The following RMDN2 variants were observed in gnomAD, a reference collection of about 807,000 sequenced individuals.
The protein encoded by RMDN2 is regulator of microtubule dynamics 2, also known as regulator of microtubule dynamics protein 2.
A neutral mutation model predicts 52.8 loss-of-function variants in RMDN2; 61 were observed. That is an observed-to-expected ratio of 1.16 (90% CI 0.94 to 1.43). The LOEUF (loss-of-function observed/expected upper bound fraction) is 1.43. Among genes scored for constraint, RMDN2 ranks in the 40% most tolerant of loss-of-function variants. The pLI is 0.00. For missense variants in RMDN2, 592 were observed against 475.3 expected (o/e 1.25, Z -2.28); for synonymous variants, 180 against 153.1 (o/e 1.18, Z -1.30).
intron 2 of RMDN2, among the ~76,000 whole-genome samples, chr2:37,956,662 T>A (rs1440185298): frequency 6.6e-6 from 1 of 152,148 alleles, no homozygotes; most frequent in Non-Finnish European, 1.5e-5. Context: ...TCTTCTTTTT[T>A]ATTTTTTATT....
At chr2:38,013,074 T>C (rs991683354) in intron 10 of RMDN2, among the ~76,000 whole-genome samples, 2 of 152,248 alleles carry the variant, frequency 1.3e-5, no homozygotes, top group Non-Finnish European at 2.9e-5. Flanking sequence ...ACAGTATTTT[T>C]ATTATTCATG....
intron 10 of RMDN2, among the ~76,000 whole-genome samples, chr2:38,011,259 A>G (rs918325435): frequency 3.3e-5 from 5 of 152,190 alleles, no homozygotes; most frequent in African/African-American, 9.7e-5. Flanking sequence ...TGAAAAATAA[A>G]CTATTGCCCT....
At chr2:37,967,374 C>A (rs1212122230) in intron 2 of RMDN2, among the ~76,000 whole-genome samples, 3 of 152,166 alleles carry the variant, frequency 2.0e-5, no homozygotes, top group Non-Finnish European at 2.9e-5. Flanking sequence ...TGAAGCATTT[C>A]TTTAAGGAAT....
At chr2:38,046,875 C>T (rs936383086) in intron 10 of RMDN2, among the ~76,000 whole-genome samples, 10 of 151,360 alleles carry the variant, frequency 6.6e-5, no homozygotes, top group South Asian at 2.1e-4. Flanking sequence ...CTCAGCTACT[C>T]GGGAGGCAGA....
At chr2:37,943,728 C>A (rs187743346) in intron 2 of RMDN2, among the ~76,000 whole-genome samples, 4 of 152,206 alleles carry the variant, frequency 2.6e-5, no homozygotes, top group African/African-American at 7.2e-5. Flanking sequence ...ATGCATTTTT[C>A]ATGTTAAACT....
At chr2:37,993,904 A>G (rs966672319) in intron 7 of RMDN2, among the ~76,000 whole-genome samples, 3 of 152,328 alleles carry the variant, frequency 2.0e-5, no homozygotes, top group East Asian at 1.9e-4. Flanking sequence ...CGTTTACCCA[A>G]CCTCACAAGT....
intron 10 of RMDN2, chr2:38,036,661 A>G (rs1245794924): frequency 1.3e-5 from 2 of 151,172 alleles, no homozygotes; most frequent in Non-Finnish European, 2.9e-5. Context: ...AAAGCATGAC[A>G]GCAATGAAGG....
chr2:38,048,156 G>C lies in RMDN2; in HGVS notation c.1714-18826G>C, dbSNP rs533066255. ...AAATCAGTTGCTGAGATATATAGGA[G>C]GCAGTAAAATTGGCTTTGCTGCAGT... On this transcript the variant is annotated intron_variant, in intron 10 of 10. Coordinates refer to the RMDN2 transcript ENST00000234195. Among the ~76,000 whole-genome samples the C allele has an allele frequency of 2.6e-5, 4 of 152,316 alleles. No homozygotes were observed. In the East Asian group the frequency reaches 7.7e-4, roughly 29 times the overall value.
intron 10 of RMDN2, among the ~76,000 whole-genome samples, chr2:38,032,589 C>A (rs1680286948): frequency 6.6e-6 from 1 of 152,160 alleles, no homozygotes; most frequent in South Asian, 2.1e-4. Flanking sequence ...CCTGTAATCC[C>A]AGCAGTTTGG....
At chr2:37,951,685 A>G in intron 2 of RMDN2, 1 of 1,612,946 alleles carries the variant, frequency 6.2e-7, no homozygotes, top group Non-Finnish European at 8.5e-7. Context: ...TTTAATCTAA[A>G]TGAAATCGAA....
chr2:37,943,420 C>T (rs543611801), intron 2 of RMDN2, among the ~76,000 whole-genome samples: 11 of 152,264 alleles, frequency 7.2e-5, no homozygotes, highest in African/African-American at 1.9e-4. Flanking sequence ...GCAGGAATCC[C>T]GGTTCAGCCT....
chr2:37,975,335 A>T, intron 4 of RMDN2, 21 bp downstream of exon 4: 1 of 1,332,840 alleles, frequency 7.5e-7, no homozygotes, highest in South Asian at 1.2e-5. Flanking sequence ...TGTAAAGATT[A>T]TTCTCAAGTA....
At chr2:38,031,523 T>C (rs193292652) in intron 10 of RMDN2, among the ~76,000 whole-genome samples, 2 of 152,148 alleles carry the variant, frequency 1.3e-5, no homozygotes, top group Non-Finnish European at 2.9e-5. Flanking sequence ...TTACATTTCA[T>C]AAAGTAGTTG....
At chr2:37,987,850 G>A (rs543618478) in intron 5 of RMDN2, among the ~76,000 whole-genome samples, 13 of 151,510 alleles carry the variant, frequency 8.6e-5, no homozygotes, top group African/African-American at 2.9e-4. Flanking sequence ...CCTGAGGTCA[G>A]GAGTTCGAGA....
At position 37,987,845 on chromosome 2, in the gene RMDN2, G is replaced by A. The variant is rs576240580; in HGVS notation, c.792-1696G>A. Among the ~76,000 whole-genome samples, 18 of 151,916 alleles carry A rather than the reference G, an allele frequency of 1.2e-4. No individual in the cohort carries two copies. The South Asian group carries it at 3.8e-3, about 32-fold the overall frequency. ...AGGTCGAGGTGGGCAGATCACCTGA[G>A]GTCAGGAGTTCGAGACCAGTCTGGC... On this transcript the variant is annotated intron_variant, in intron 5 of 10. Transcript: ENST00000354545.
chr2:38,012,887 T>A (rs745925541), intron 10 of RMDN2, among the ~76,000 whole-genome samples: 1 of 152,248 alleles, frequency 6.6e-6, no homozygotes, highest in Non-Finnish European at 1.5e-5. Flanking sequence ...GTTTCTTTCT[T>A]GTGGCATTTA....
intron 10 of RMDN2, among the ~76,000 whole-genome samples, chr2:38,023,527 T>C (rs1292783033): frequency 6.6e-6 from 1 of 152,198 alleles, no homozygotes; most frequent in African/African-American, 2.4e-5. Flanking sequence ...CTTCCCCTCC[T>C]CCACAAGATA....
At chr2:37,940,420 T>C (rs888117960) in intron 2 of RMDN2, among the ~76,000 whole-genome samples, 1 of 152,188 alleles carries the variant, frequency 6.6e-6, no homozygotes, top group African/African-American at 2.4e-5. Context: ...CGAATTTGAA[T>C]GTTGGCCTGT....
At chr2:37,971,481 C>G (rs1671802164) in intron 2 of RMDN2, among the ~76,000 whole-genome samples, 1 of 152,102 alleles carries the variant, frequency 6.6e-6, no homozygotes, top group African/African-American at 2.4e-5. Context: ...ATATATTCGT[C>G]TGTATTTTGT....
Sources: allele counts gnomAD v4.1 joint callset (sites outside exome capture counted in the v4.1 genomes callset), GRCh38; gene constraint gnomAD v4.1.1; transcripts MANE v1.5; gene names NCBI Gene and HGNC (gene_info 2026-07-23, HGNC 2026-07-21).